FBXO42: variants seen among roughly 807,000 people sequenced by gnomAD.
The protein encoded by FBXO42 is F-box only protein 42.
Under a neutral mutation model 71.7 loss-of-function variants are expected in FBXO42, and 12 were observed. The ratio of observed to expected loss-of-function variants is 0.17; its 90% CI spans 0.11 to 0.27. The LOEUF (loss-of-function observed/expected upper bound fraction) is 0.27, where lower values mean the gene tolerates loss of function less well. Among genes scored for constraint, FBXO42 ranks in the 10% least tolerant of loss-of-function variants. FBXO42 has a pLI of 1.00. For synonymous variants in FBXO42, 325 were observed against 327.5 expected (o/e 0.99, Z 0.08); for missense variants, 707 against 911.9 (o/e 0.78, Z 2.89).
intron 2 of FBXO42, among the ~76,000 whole-genome samples, chr1:16,310,193 CAA>C (rs558283325): frequency 2.7e-4 from 25 of 91,008 alleles, no homozygotes; most frequent in Admixed American, 5.0e-4. Flanking sequence ...GACTCCATCT[CAA>C]AAAAAAAAAA....
chr1:16,304,432 T>C (rs2100553516), intron 3 of FBXO42, among the ~76,000 whole-genome samples: 1 of 152,248 alleles, frequency 6.6e-6, no homozygotes, highest in South Asian at 2.1e-4. Flanking sequence ...ATTTGAATTT[T>C]ATAATCGACA....
chr1:16,349,896 A>T (rs906643716), intron 1 of FBXO42, among the ~76,000 whole-genome samples: 1 of 152,182 alleles, frequency 6.6e-6, no homozygotes, highest in Non-Finnish European at 1.5e-5. Flanking sequence ...TGACTAAAAC[A>T]ATTCTGAAAT....
At chr1:16,338,516 A>G (rs1365783036) in intron 1 of FBXO42, among the ~76,000 whole-genome samples, 1 of 152,096 alleles carries the variant, frequency 6.6e-6, no homozygotes, top group Non-Finnish European at 1.5e-5. Context: ...TTGAACCAAA[A>G]TAGTAGACAC....
At chr1:16,349,854 T>C (rs1309413407) in intron 1 of FBXO42, among the ~76,000 whole-genome samples, 1 of 152,124 alleles carries the variant, frequency 6.6e-6, no homozygotes, top group Non-Finnish European at 1.5e-5. Context: ...CAAAACTATG[T>C]CTCAAAAAAC....
At chr1:16,316,169 C>CAAAAAAAAAAAAAAAAAAA (rs58485035) in intron 1 of FBXO42, among the ~76,000 whole-genome samples, 1 of 109,076 alleles carries the variant, frequency 9.2e-6, no homozygotes, top group Non-Finnish European at 1.8e-5. Flanking sequence ...ACCTCCATCT[C>CAAAAAAAAAAAAAAAAAAA]AAAAAAAAAA....
intron 4 of FBXO42, chr1:16,293,665 T>C (rs2994142): frequency 0.77 from 117,697 of 152,138 alleles, 45,980 homozygotes; most frequent in East Asian, 0.86. Context: ...CTAATGTAGG[T>C]GGAAAGAACA....
intron 4 of FBXO42, among the ~76,000 whole-genome samples, chr1:16,270,074 TG>T (rs1179475949): frequency 2.0e-5 from 3 of 152,168 alleles, no homozygotes; most frequent in Admixed American, 6.6e-5. Context: ...TAGGTTCATC[TG>T]GAACTCCTGA....
At position 16,277,542 on chromosome 1, in the gene FBXO42, C is replaced by T. The variant is rs146352957; in HGVS notation, c.502+17241G>A. Reference sequence around the variant, plus strand: ...AAGTTTGAGACCAGCCTGGCCAACACGGTGAAACCCTATCTCTACTAAAAA... The same window carrying T: ...AAGTTTGAGACCAGCCTGGCCAACATGGTGAAACCCTATCTCTACTAAAAA... On this transcript the variant is annotated intron_variant, in intron 4 of 9. Coordinates refer to ENST00000375592, the MANE Select transcript of FBXO42 (RefSeq NM_018994.3). 4.8e-3 allele frequency among the ~76,000 whole-genome samples: 710 copies of T among 147,264 alleles called. 4 individuals are homozygous for T. The highest frequency in any genetic ancestry group is 0.017 in the African/African-American group (687 of 39,876).
intron 1 of FBXO42, 25 bp from the exon 2 acceptor site, chr1:16,315,460 C>A: frequency 6.3e-7 from 1 of 1,595,080 alleles, no homozygotes. Flanking sequence ...ACATAAATAT[C>A]AGTATTCCAC....
At chr1:16,262,302 A>G (rs2081723422) in intron 4 of FBXO42, among the ~76,000 whole-genome samples, 1 of 152,130 alleles carries the variant, frequency 6.6e-6, no homozygotes, top group Non-Finnish European at 1.5e-5. Context: ...GGACTACAGG[A>G]GTATACCAAA....
At position 16,256,193 on chromosome 1, in the gene FBXO42, C is replaced by T. The variant is rs577143309; in HGVS notation, c.657-372G>A. Among the ~76,000 whole-genome samples, 14 of 152,216 alleles carry T rather than the reference C, an allele frequency of 9.2e-5. No homozygotes were observed. The East Asian group carries it at 2.3e-3, about 25-fold the overall frequency. On this transcript the variant is annotated intron_variant, in intron 5 of 9. Coordinates refer to ENST00000375592, the MANE Select transcript of FBXO42 (RefSeq NM_018994.3). ...CTAAGTCTTCCATTACAAGAAACGG[C>T]GGTTGCTGTCATTAAGAGATATATG...
intron 4 of FBXO42, among the ~76,000 whole-genome samples, chr1:16,283,574 T>C (rs913660587): frequency 2.9e-5 from 4 of 137,968 alleles, no homozygotes; most frequent in African/African-American, 1.0e-4. Context: ...CTTGGCTCAC[T>C]GCAACCTCCA....
chr1:16,271,261 GTGTGTGTGT>G (rs2081841906), intron 4 of FBXO42, among the ~76,000 whole-genome samples: 4 of 34,638 alleles, frequency 1.2e-4, no homozygotes, highest in Non-Finnish European at 1.9e-4. Flanking sequence ...GTGTGTTGGT[GTGTGTGTGT>G]GTGTGTGTGT....
In FBXO42 at chr1:16,352,249, C is replaced by A. The variant is rs1327992928; in HGVS notation, c.-18+6G>T. The A allele has an allele frequency of 2.5e-6, 1 of 394,812 alleles. No individual in the cohort carries two copies. The highest frequency in any genetic ancestry group is 2.1e-5 in the African/African-American group (1 of 48,448). The allele number at this position is 394,812 out of a possible 1,614,324, so 24.5% of individuals were successfully genotyped here. A position where few individuals can be genotyped will look rare whatever the true frequency, so the allele number is the denominator to read the frequency against. On this transcript the variant is annotated splice_donor_region_variant and intron_variant, in intron 1 of 9. Transcript: ENST00000375592. ...TCTGCGGCCCGGGGAGGAGGAGAGG[C>A]CTCACCTGGCCCAGCCCGCTCCACG...
intron 1 of FBXO42, among the ~76,000 whole-genome samples, chr1:16,331,638 C>T (rs987991572): frequency 6.6e-6 from 1 of 150,968 alleles, no homozygotes; most frequent in Non-Finnish European, 1.5e-5. Context: ...ACCTATAATC[C>T]CAGCTATTCA....
chr1:16,307,343 A>T (rs888633526), intron 2 of FBXO42, among the ~76,000 whole-genome samples: 3 of 152,120 alleles, frequency 2.0e-5, no homozygotes, highest in Non-Finnish European at 2.9e-5. Flanking sequence ...TCTGCAAAAA[A>T]ATTAAAAATT....
intron 4 of FBXO42, among the ~76,000 whole-genome samples, chr1:16,261,728 G>A (rs1020812250): frequency 1.3e-5 from 2 of 151,318 alleles, no homozygotes; most frequent in African/African-American, 2.4e-5. Flanking sequence ...TTTTTGAGAC[G>A]CGTCTCACTC....
intron 1 of FBXO42, among the ~76,000 whole-genome samples, chr1:16,325,424 T>C (rs909816233): frequency 2.6e-5 from 4 of 151,968 alleles, no homozygotes; most frequent in Non-Finnish European, 4.4e-5. Context: ...AGCCTAGAAA[T>C]AGAATAATTT....
intron 4 of FBXO42, among the ~76,000 whole-genome samples, chr1:16,260,445 G>A (rs769961856): frequency 1.1e-4 from 17 of 152,060 alleles, no homozygotes; most frequent in Non-Finnish European, 2.1e-4. Flanking sequence ...CTGAGCTCAG[G>A]CAATCCACTG....
Sources: allele counts gnomAD v4.1 joint callset (sites outside exome capture counted in the v4.1 genomes callset), GRCh38; gene constraint gnomAD v4.1.1; transcripts MANE v1.5; gene names NCBI Gene and HGNC (gene_info 2026-07-23, HGNC 2026-07-21).